Variants in EXOC4 observed in about 807,000 individuals in gnomAD.
EXOC4 encodes SEC8-like 1.
In EXOC4, 71 loss-of-function variants were observed where a neutral mutation model predicts 107.2. The observed-to-expected ratio is 0.66, with a 90% CI of 0.55 to 0.81. EXOC4 has a LOEUF of 0.81. Ranked by LOEUF, EXOC4 falls within the 30% of genes least tolerant of loss-of-function variation. The pLI is 0.00. For missense variants in EXOC4, 1,108 were observed against 1,189.6 expected, an observed-to-expected ratio of 0.93 and a Z score of 1.01; for synonymous variants, 456 against 441.2, an observed-to-expected ratio of 1.03 and a Z score of -0.42.
intron 10 of EXOC4, among the ~76,000 whole-genome samples, chr7:133,701,741 A>T (rs761221891): frequency 7.2e-5 from 11 of 152,172 alleles, no homozygotes; most frequent in Non-Finnish European, 1.5e-4. Flanking sequence ...ATGTATATAA[A>T]ATGAGATATC....
At chr7:133,795,731 A>C (rs1796799967) in intron 10 of EXOC4, among the ~76,000 whole-genome samples, 1 of 152,218 alleles carries the variant, frequency 6.6e-6, no homozygotes, top group Admixed American at 6.5e-5. Context: ...GGTGGAACTT[A>C]TGTGACAAAG....
intron 4 of EXOC4, among the ~76,000 whole-genome samples, chr7:133,312,619 G>T (rs961675724): frequency 5.3e-5 from 8 of 152,174 alleles, no homozygotes; most frequent in Middle Eastern, 3.4e-3. Flanking sequence ...GATCTATGCA[G>T]GATGATCAAA....
At chr7:134,053,136 C>G (rs571096152) in intron 17 of EXOC4, among the ~76,000 whole-genome samples, 1 of 151,968 alleles carries the variant, frequency 6.6e-6, no homozygotes, top group African/African-American at 2.4e-5. Context: ...TAGAATTCAG[C>G]CCTGCTCTAG....
At chr7:133,970,244 C>T (rs10277866) in intron 14 of EXOC4, among the ~76,000 whole-genome samples, 2,732 of 152,238 alleles carry the variant, frequency 0.018, 81 homozygotes, top group African/African-American at 0.06. Context: ...ATGCTGGCAG[C>T]GAGAATTTCA....
chr7:133,868,046 C>T (rs1798678310), intron 11 of EXOC4, among the ~76,000 whole-genome samples: 1 of 152,138 alleles, frequency 6.6e-6, no homozygotes, highest in Non-Finnish European at 1.5e-5. Context: ...AATTATAATA[C>T]TTTAAGCTGT....
intron 7 of EXOC4, among the ~76,000 whole-genome samples, chr7:133,468,684 G>A (rs1440574526): frequency 6.6e-6 from 1 of 152,092 alleles, no homozygotes; most frequent in East Asian, 1.9e-4. Context: ...TGAAAACCGG[G>A]AGGCGCCTTC....
chr7:133,273,324 G>A (rs1793918097), intron 1 of EXOC4, among the ~76,000 whole-genome samples: 1 of 152,192 alleles, frequency 6.6e-6, no homozygotes, highest in African/African-American at 2.4e-5. Context: ...TACTTTAATA[G>A]TCAAACACTT....
chr7:133,759,759 AAAG>A (rs1795995169), intron 10 of EXOC4, among the ~76,000 whole-genome samples: 4 of 152,278 alleles, frequency 2.6e-5, no homozygotes, highest in South Asian at 2.1e-4. Context: ...GGTTGAGGGA[AAAG>A]AAGAAGGAGA....
intron 4 of EXOC4, among the ~76,000 whole-genome samples, chr7:133,307,066 C>T (rs1210727986): frequency 6.6e-6 from 1 of 152,182 alleles, no homozygotes; most frequent in East Asian, 1.9e-4. Flanking sequence ...CTGAAATATA[C>T]ATGTTCATGC....
intron 9 of EXOC4, among the ~76,000 whole-genome samples, chr7:133,595,113 T>C (rs984479316): frequency 6.8e-6 from 1 of 147,130 alleles, no homozygotes; most frequent in Non-Finnish European, 1.5e-5. Flanking sequence ...ATGGGGAGAG[T>C]AGGTGGATGA....
At chr7:133,737,101 A>C (rs1375341542) in intron 10 of EXOC4, among the ~76,000 whole-genome samples, 1 of 152,214 alleles carries the variant, frequency 6.6e-6, no homozygotes, top group East Asian at 1.9e-4. Context: ...GTATTCCTCT[A>C]GTCATTAATC....
chr7:133,265,371 A>G (rs1375199819), intron 1 of EXOC4, among the ~76,000 whole-genome samples: 1 of 151,678 alleles, frequency 6.6e-6, no homozygotes, highest in East Asian at 1.9e-4. Context: ...GCGCCACTGC[A>G]CTCCAGCCTG....
chr7:133,676,907 TGGG>T (rs1252505027), intron 10 of EXOC4, among the ~76,000 whole-genome samples: 4 of 148,602 alleles, frequency 2.7e-5, no homozygotes, highest in Admixed American at 1.4e-4. Context: ...AATAAATTAT[TGGG>T]GGGTATGTAG....
chr7:133,772,558 T>C (rs1473789321), intron 10 of EXOC4, among the ~76,000 whole-genome samples: 1 of 152,000 alleles, frequency 6.6e-6, no homozygotes, highest in Non-Finnish European at 1.5e-5. Context: ...TTTGAATAAT[T>C]CCTGCAGTAG....
At chr7:133,495,805 T>C (rs924357113) in intron 9 of EXOC4, among the ~76,000 whole-genome samples, 3 of 152,232 alleles carry the variant, frequency 2.0e-5, no homozygotes, top group Admixed American at 1.3e-4. Flanking sequence ...AATGCACTAA[T>C]TTCTCGTGGG....
Position 133,941,746 on chromosome 7 carries a change from T to G in EXOC4, c.2206+3677T>G, listed in dbSNP as rs528701549. Among the ~76,000 whole-genome samples the G allele has an allele frequency of 4.6e-5, 7 of 151,950 alleles. No homozygotes were observed. The East Asian group carries it at 9.7e-4, about 21-fold the overall frequency. On this transcript the variant is annotated intron_variant, in intron 14 of 17. Transcript: ENST00000253861. ...AGAATGCATTGACTCATACAGCAGA[T>G]AAATCAAAGGACTTCAAGAGTGGCT...
At chr7:133,938,378 G>A (rs964975580) in intron 14 of EXOC4, among the ~76,000 whole-genome samples, 4 of 152,192 alleles carry the variant, frequency 2.6e-5, no homozygotes, top group Non-Finnish European at 5.9e-5. Context: ...AGAACAGAAA[G>A]CAATACCTTT....
At chr7:133,476,530 G>T (rs981970696) in intron 8 of EXOC4, among the ~76,000 whole-genome samples, 1 of 152,090 alleles carries the variant, frequency 6.6e-6, no homozygotes, top group Non-Finnish European at 1.5e-5. Flanking sequence ...ATTCACATTT[G>T]AGGCTTGTTT....
intron 10 of EXOC4, among the ~76,000 whole-genome samples, chr7:133,732,012 T>C (rs771055755): frequency 2.0e-5 from 3 of 152,138 alleles, no homozygotes; most frequent in Non-Finnish European, 4.4e-5. Flanking sequence ...TGAAGCACTA[T>C]TCACAATAGC....
Sources: gnomAD v4.1 joint callset for allele counts (sites outside exome capture counted in the v4.1 genomes callset) on GRCh38, gnomAD v4.1.1 for gene constraint, MANE v1.5 for transcripts, NCBI Gene and HGNC (gene_info 2026-07-23, HGNC 2026-07-21) for gene names.